The following MYO3A variants were observed in gnomAD, a reference collection of about 807,000 sequenced individuals.
MYO3A encodes the protein myosin IIIA.
In MYO3A, 180 loss-of-function variants were observed where a neutral mutation model predicts 192.7. The observed-to-expected ratio is 0.93, with a 90% CI of 0.83 to 1.06. The LOEUF is 1.06. Among genes scored for constraint, MYO3A ranks in the 50% least tolerant of loss-of-function variants. The pLI, the probability that MYO3A is intolerant of heterozygous loss-of-function variation, is 0.00. For missense variants in MYO3A, 1,896 were observed against 1,905.0 expected (o/e 1.00, Z 0.09); for synonymous variants, 628 against 645.3 (o/e 0.97, Z 0.41).
At chr10:26,183,024 C>A (rs1274448130) in intron 31 of MYO3A, among the ~76,000 whole-genome samples, 6 of 152,128 alleles carry the variant, frequency 3.9e-5, no homozygotes, top group Admixed American at 2.0e-4. Context: ...GGACTGTAAT[C>A]CATGCGAGAT....
chr10:26,037,252 A>C (rs1039669836), intron 10 of MYO3A, among the ~76,000 whole-genome samples: 1 of 152,252 alleles, frequency 6.6e-6, no homozygotes, highest in Non-Finnish European at 1.5e-5. Context: ...CTATGTCTCC[A>C]GTGCTGAGTC....
intron 10 of MYO3A, among the ~76,000 whole-genome samples, chr10:26,034,930 T>A (rs964193204): frequency 1.3e-5 from 2 of 151,690 alleles, no homozygotes; most frequent in Admixed American, 1.3e-4. Flanking sequence ...ATGAAGCGTG[T>A]GTGTGTGTGT....
At chr10:26,080,085 G>A (rs1835824891) in intron 14 of MYO3A, among the ~76,000 whole-genome samples, 1 of 152,108 alleles carries the variant, frequency 6.6e-6, no homozygotes, top group South Asian at 2.1e-4. Context: ...GCAAGGACAG[G>A]GAAATTTTCC....
chr10:26,120,795 G>A lies in MYO3A; in HGVS notation c.1896G>A (p.Leu632=), dbSNP rs1346446021. ...GCCACATTTCTAATCATACAGCCCT[G>A]GAGAACTGTAAGTTTTATTACCTTC... The part of the protein sequence containing the change: ...DKSHISNHTA[L]ENCASLLCIR... The change falls in exon 18 of 35, where the codon CTG becomes CTA. Residue 632 remains leucine, a synonymous_variant. Transcript: ENST00000642920. 1 of 1,613,830 alleles carries A rather than the reference G, an allele frequency of 6.2e-7. No individual in the cohort carries two copies. Among genetic ancestry groups the A allele is most frequent in the African/African-American group, 1.3e-5 (1 of 74,882 alleles).
chr10:25,993,192 T>C (rs1840169158), intron 4 of MYO3A, among the ~76,000 whole-genome samples: 1 of 152,190 alleles, frequency 6.6e-6, no homozygotes, highest in African/African-American at 2.4e-5. Flanking sequence ...TCAGAGCCTG[T>C]TATTGGTCTA....
At chr10:25,987,550 T>C (rs1389137809) in intron 4 of MYO3A, among the ~76,000 whole-genome samples, 1 of 151,944 alleles carries the variant, frequency 6.6e-6, no homozygotes, top group Non-Finnish European at 1.5e-5. Flanking sequence ...GCTAAAGACA[T>C]GAGTAAACAA....
chr10:26,045,443 T>C (rs1564490220), intron 10 of MYO3A, among the ~76,000 whole-genome samples: 1 of 152,162 alleles, frequency 6.6e-6, no homozygotes, highest in African/African-American at 2.4e-5. Flanking sequence ...TATGAAAACA[T>C]GCACACATAA....
chr10:25,934,578 A>G (rs1360260797), intron 1 of MYO3A, among the ~76,000 whole-genome samples: 1 of 142,844 alleles, frequency 7.0e-6, no homozygotes, highest in African/African-American at 2.6e-5. Flanking sequence ...AAGAGGGGGA[A>G]TGTGAGGCTT....
intron 17 of MYO3A, among the ~76,000 whole-genome samples, chr10:26,100,390 G>A (rs560572761): frequency 2.0e-5 from 3 of 152,216 alleles, no homozygotes; most frequent in East Asian, 1.9e-4. Flanking sequence ...AGAGCTTTTT[G>A]TGTCTCTATC....
chr10:25,969,108 G>A (rs913245486), intron 4 of MYO3A, among the ~76,000 whole-genome samples: 15 of 152,138 alleles, frequency 9.9e-5, no homozygotes, highest in South Asian at 6.2e-4. Context: ...GTGAGGTGGC[G>A]TGCACCTGTA....
In MYO3A at chr10:26,032,661, C is replaced by T. The variant is rs201683606; in HGVS notation, c.953+6129C>T. ...AAAAACCAACAAAAAAAACACACAGCCCAAGCTGTCAATTCCTTATTAGGC... is the reference window on the plus strand; with the variant it reads ...AAAAACCAACAAAAAAAACACACAGTCCAAGCTGTCAATTCCTTATTAGGC... On this transcript the variant is annotated intron_variant, in intron 10 of 34. Transcript: ENST00000642920. Among the ~76,000 whole-genome samples, 5 of 151,722 alleles carry T rather than the reference C, an allele frequency of 3.3e-5. No individual in the cohort carries two copies. The East Asian group carries it at 9.7e-4, about 29-fold the overall frequency.
At chr10:26,160,276 A>G (rs1841417233) in intron 26 of MYO3A, among the ~76,000 whole-genome samples, 1 of 152,204 alleles carries the variant, frequency 6.6e-6, no homozygotes, top group African/African-American at 2.4e-5. Flanking sequence ...ACAGACATGG[A>G]AAGTTAACAA....
intron 22 of MYO3A, among the ~76,000 whole-genome samples, 177 bp from the exon 23 acceptor site, chr10:26,147,233 GATGATAAGGAGCTACCTTAA>G (rs1401852246): frequency 1.5e-5 from 1 of 65,044 alleles, no homozygotes; most frequent in Non-Finnish European, 3.4e-5. Context: ...GTGAGACACA[GATGATAAGGAGCTACCTTAA>G]GATGATAAGG....
At chr10:26,097,481 C>A (rs1202031064) in intron 17 of MYO3A, among the ~76,000 whole-genome samples, 2 of 151,990 alleles carry the variant, frequency 1.3e-5, no homozygotes, top group Admixed American at 1.3e-4. Context: ...TGGTGTGCTG[C>A]ACACATTAAC....
intron 31 of MYO3A, among the ~76,000 whole-genome samples, chr10:26,182,298 G>C (rs1029893974): frequency 1.1e-4 from 16 of 152,198 alleles, no homozygotes; most frequent in African/African-American, 3.6e-4. Context: ...GTCATCTCCA[G>C]ATCTGTCACC....
chr10:26,157,297 T>G lies in MYO3A; in HGVS notation c.2794-13T>G. 1 of 1,612,570 alleles carries G rather than the reference T, an allele frequency of 6.2e-7. No individual in the cohort carries two copies. Among genetic ancestry groups the G allele is most frequent in the Non-Finnish European group, 8.5e-7 (1 of 1,178,618 alleles). On this transcript the variant is annotated splice_polypyrimidine_tract_variant and intron_variant, in intron 25 of 34. Coordinates refer to ENST00000642920, the MANE Select transcript of MYO3A (RefSeq NM_017433.5). Reference sequence around the variant, plus strand: ...TGCTACATTGGGAAATTTATTTTTGTTGTGTATTATAGTATTCCCTGATGG... The same window carrying G: ...TGCTACATTGGGAAATTTATTTTTGGTGTGTATTATAGTATTCCCTGATGG...
At chr10:26,123,463 G>A (rs1838997897) in intron 18 of MYO3A, among the ~76,000 whole-genome samples, 1 of 152,052 alleles carries the variant, frequency 6.6e-6, no homozygotes, top group Non-Finnish European at 1.5e-5. Flanking sequence ...AGCTTCACTA[G>A]GAATCAATTA....
intron 6 of MYO3A, among the ~76,000 whole-genome samples, chr10:26,003,823 T>C (rs1007409575): frequency 2.0e-5 from 3 of 152,210 alleles, no homozygotes; most frequent in African/African-American, 7.2e-5. Context: ...AATGTACTTT[T>C]TGTGATTTAT....
intron 6 of MYO3A, among the ~76,000 whole-genome samples, chr10:26,003,851 G>A (rs1841007934): frequency 1.3e-5 from 2 of 152,202 alleles, no homozygotes; most frequent in South Asian, 4.2e-4. Context: ...TCATTCTTAT[G>A]ACAGAATATT....
Sources: gnomAD v4.1 joint callset for allele counts (sites outside exome capture counted in the v4.1 genomes callset) on GRCh38, gnomAD v4.1.1 for gene constraint, MANE v1.5 for transcripts, NCBI Gene and HGNC (gene_info 2026-07-23, HGNC 2026-07-21) for gene names.